RAP1GAP2: variants seen among roughly 807,000 people sequenced by gnomAD.
RAP1GAP2 encodes RAP1 GTPase activating protein 2, also known as rap1 GTPase-activating protein 2.
RAP1GAP2 carries 27 observed loss-of-function variants against 95.0 expected under a neutral mutation model. The ratio of observed to expected loss-of-function variants is 0.28; its 90% CI spans 0.21 to 0.39. RAP1GAP2 has a LOEUF of 0.39. RAP1GAP2 is among the 10% of genes least tolerant of loss of function. The pLI, the probability that RAP1GAP2 is intolerant of heterozygous loss-of-function variation, is 1.00. For missense variants in RAP1GAP2, 771 were observed against 970.0 expected, an observed-to-expected ratio of 0.79 and a Z score of 2.72; for synonymous variants, 373 against 380.9, an observed-to-expected ratio of 0.98 and a Z score of 0.24.
intron 1 of RAP1GAP2, among the ~76,000 whole-genome samples, chr17:2,766,109 G>A (rs1340775147): frequency 6.6e-6 from 1 of 152,216 alleles, no homozygotes; most frequent in East Asian, 1.9e-4. Context: ...GCTGTGGTTG[G>A]GCGGCCATGG....
Position 2,995,999 on chromosome 17 carries a change from T to C in RAP1GAP2, c.1044+533T>C, listed in dbSNP as rs553194206. On this transcript the variant is annotated intron_variant, in intron 13 of 24. Coordinates refer to ENST00000254695, the MANE Select transcript of RAP1GAP2 (RefSeq NM_015085.5). ...GTAGAGGGTGATTGTGGGGATTACA[T>C]ACATTTCTGACTAGGGTTCATACGA... Among the ~76,000 whole-genome samples, 2,123 of 152,266 alleles carry C rather than the reference T, an allele frequency of 0.014. 175 individuals are homozygous for C. In the East Asian group the frequency reaches 0.23, roughly 16 times the overall value.
In RAP1GAP2 at chr17:2,876,992, G is replaced by A. The variant is rs370910385; in HGVS notation, c.81-28292G>A. On this transcript the variant is annotated intron_variant, in intron 2 of 24. Transcript: ENST00000254695. ...CAACCTCCACCTCCCGGGTTCAAGCGATTCTCCTGCCTCAGCCTCCCGAGT... is the reference window on the plus strand; with the variant it reads ...CAACCTCCACCTCCCGGGTTCAAGCAATTCTCCTGCCTCAGCCTCCCGAGT... Among the ~76,000 whole-genome samples the A allele has an allele frequency of 6.6e-3, 1,002 of 150,788 alleles. 7 individuals carry two copies. The highest frequency in any genetic ancestry group is 0.01 in the Non-Finnish European group (705 of 67,794).
intron 1 of RAP1GAP2, among the ~76,000 whole-genome samples, chr17:2,758,084 TG>T (rs2071179037): frequency 6.6e-6 from 1 of 150,560 alleles, no homozygotes; most frequent in Non-Finnish European, 1.5e-5. Context: ...TTAGCCCGGA[TG>T]GTGTCGATCT....
At chr17:2,947,054 C>T (rs1452451393) in intron 3 of RAP1GAP2, among the ~76,000 whole-genome samples, 6 of 152,188 alleles carry the variant, frequency 3.9e-5, no homozygotes, top group South Asian at 2.1e-4. Flanking sequence ...CGTGCCCGGC[C>T]GGAAACTGTG....
At chr17:2,850,835 C>T (rs113695290) in intron 2 of RAP1GAP2, among the ~76,000 whole-genome samples, 9 of 151,114 alleles carry the variant, frequency 6.0e-5, no homozygotes, top group African/African-American at 2.2e-4. Flanking sequence ...CCAAGGCAGG[C>T]GGATCACCTG....
At chr17:2,799,935 C>A (rs1414170076) in intron 1 of RAP1GAP2, among the ~76,000 whole-genome samples, 1 of 152,162 alleles carries the variant, frequency 6.6e-6, no homozygotes, top group Non-Finnish European at 1.5e-5. Flanking sequence ...ACGTGATCTT[C>A]CCCGCTCTGA....
Position 2,998,320 on chromosome 17 carries a change from C to T in RAP1GAP2, c.1144C>T (p.His382Tyr), listed in dbSNP as rs1217720742. The T allele has an allele frequency of 1.9e-6, 3 of 1,614,062 alleles. No homozygotes were observed. The highest frequency in any genetic ancestry group is 2.5e-6 in the Non-Finnish European group (3 of 1,179,902). Residue 382 changes from histidine to tyrosine, a missense_variant, in exon 14 of 25, where the codon CAT becomes TAT. Transcript: ENST00000254695. ...AGACATGATAGCCTCCAATTTCTTA[C>T]ATGCCTACATCGTCGTGCAGGTCGA... ...VPDMIASNFL[H>Y]AYIVVQVETP...
intron 8 of RAP1GAP2, among the ~76,000 whole-genome samples, chr17:2,979,350 G>C (rs2045256051): frequency 2.6e-5 from 4 of 151,860 alleles, no homozygotes; most frequent in Admixed American, 2.6e-4. Flanking sequence ...CAGAAGCTGT[G>C]CTCAGTTCTT....
At chr17:3,009,828 G>A (rs1029676455) in intron 17 of RAP1GAP2, among the ~76,000 whole-genome samples, 2 of 152,138 alleles carry the variant, frequency 1.3e-5, no homozygotes, top group African/African-American at 4.8e-5. Flanking sequence ...GAAGAGGAAC[G>A]GGAGGAGAGA....
rs1032744189 is a variant in RAP1GAP2 at position 2,764,341 on chromosome 17, C to T, written c.51-5988C>T. Among the ~76,000 whole-genome samples, 286 of 149,600 alleles carry T rather than the reference C, an allele frequency of 1.9e-3. 1 individual carries two copies. The highest frequency in any genetic ancestry group is 6.5e-3 in the African/African-American group (262 of 40,486). On this transcript the variant is annotated intron_variant, in intron 1 of 25. Coordinates refer to the RAP1GAP2 transcript ENST00000637138. ...CAGCTACTCGGGAGGCTGAGGCAGG[C>T]GAATTGCATGAACCTGGGAGGTGGA...
At chr17:2,826,195 C>T (rs2070555106) in intron 2 of RAP1GAP2, among the ~76,000 whole-genome samples, 1 of 136,342 alleles carries the variant, frequency 7.3e-6, no homozygotes, top group Non-Finnish European at 1.5e-5. Flanking sequence ...CAGGGTTTCA[C>T]CGTGTTAGCC....
intron 19 of RAP1GAP2, among the ~76,000 whole-genome samples, chr17:3,025,014 G>T (rs1056883768): frequency 2.6e-5 from 4 of 152,200 alleles, no homozygotes; most frequent in Non-Finnish European, 5.9e-5. Context: ...AAAAGCCATT[G>T]CATTGTATAC....
intron 1 of RAP1GAP2, among the ~76,000 whole-genome samples, chr17:2,766,737 A>G (rs970061930): frequency 6.6e-6 from 1 of 152,216 alleles, no homozygotes; most frequent in African/African-American, 2.4e-5. Flanking sequence ...GAGGGCCCTC[A>G]CCAGGCACTG....
At chr17:2,983,876 C>A (rs1170224928) in intron 10 of RAP1GAP2, among the ~76,000 whole-genome samples, 1 of 152,214 alleles carries the variant, frequency 6.6e-6, no homozygotes, top group African/African-American at 2.4e-5. Flanking sequence ...GCTGGTTCAG[C>A]TCTGATATTT....
upstream of RAP1GAP2, among the ~76,000 whole-genome samples, chr17:2,772,582 A>T (rs2068417530): frequency 6.6e-6 from 1 of 152,096 alleles, no homozygotes; most frequent in African/African-American, 2.4e-5. Context: ...GACGTGAGCC[A>T]CTGTGCCCAG....
rs1238332844 is a variant in RAP1GAP2, at chr17:2,957,943, T to C, written c.201+149T>C. 8.2e-6 allele frequency: 7 copies of C among 854,298 alleles called. No homozygotes were observed. The African/African-American group carries it at 1.1e-4, about 13-fold the overall frequency. The allele number at this position is 854,298 out of a possible 1,614,324, so 52.9% of individuals were successfully genotyped here. On this transcript the variant is annotated intron_variant, in intron 4 of 24. Transcript: ENST00000254695. ...TTGCATCCCCTTGGCCCAGACAACC[T>C]GAGGCCATTTTGCTGTTGAGGGGTA... is the stretch of plus-strand genomic sequence containing the variant.
chr17:2,988,302 C>T (rs1328832998), intron 11 of RAP1GAP2, among the ~76,000 whole-genome samples: 1 of 152,150 alleles, frequency 6.6e-6, no homozygotes, highest in African/African-American at 2.4e-5. Context: ...CTCATGTACC[C>T]TTTACCTACT....
intron 1 of RAP1GAP2, among the ~76,000 whole-genome samples, chr17:2,767,652 A>G (rs1330790812): frequency 6.6e-6 from 1 of 151,912 alleles, no homozygotes; most frequent in Non-Finnish European, 1.5e-5. Context: ...TCTTGGCAGG[A>G]TAGCACATGG....
chr17:2,938,167 A>G (rs971228338), intron 3 of RAP1GAP2, among the ~76,000 whole-genome samples: 2 of 152,152 alleles, frequency 1.3e-5, no homozygotes, highest in Non-Finnish European at 2.9e-5. Context: ...CCTATTCTAC[A>G]GCCACTTTGC....
Sources: allele counts gnomAD v4.1 joint callset (sites outside exome capture counted in the v4.1 genomes callset), GRCh38; gene constraint gnomAD v4.1.1; transcripts MANE v1.5; gene names NCBI Gene and HGNC (gene_info 2026-07-23, HGNC 2026-07-21).